The following RBFOX2 variants were observed in gnomAD, a reference collection of about 807,000 sequenced individuals.
RBFOX2 encodes the protein RNA binding protein fox-1 homolog 2.
In RBFOX2, 10 loss-of-function variants were observed where a neutral mutation model predicts 49.1. The observed-to-expected ratio is 0.20, with a 90% confidence interval of 0.13 to 0.35. RBFOX2 has a LOEUF of 0.35. RBFOX2 is among the 10% of genes least tolerant of loss of function. The pLI is 1.00. For synonymous variants in RBFOX2, 183 were observed against 187.4 expected (o/e 0.98, Z 0.19); for missense variants, 323 against 486.9 (o/e 0.66, Z 3.17).
chr22:35,801,447 ACTCTCTCT>A (rs533761207), intron 2 of RBFOX2, among the ~76,000 whole-genome samples: 1 of 117,800 alleles, frequency 8.5e-6, no homozygotes, highest in African/African-American at 4.3e-5. Flanking sequence ...ACACACACAC[ACTCTCTCT>A]CTCTCTCTCT....
intron 1 of RBFOX2, among the ~76,000 whole-genome samples, chr22:35,896,674 C>A (rs770126325): frequency 1.3e-5 from 2 of 152,168 alleles, no homozygotes; most frequent in Admixed American, 1.3e-4. Flanking sequence ...CGCAGACGAA[C>A]GTTTTCTCTC....
rs545759148 is a variant in RBFOX2 at position 35,988,228 on chromosome 22, C to T, written c.186+40012G>A. Among the ~76,000 whole-genome samples, 6 of 152,256 alleles carry T rather than the reference C, an allele frequency of 3.9e-5. 1 individual carries two copies. The South Asian group carries it at 1.2e-3, about 32-fold the overall frequency. The stretch of plus-strand genomic sequence containing the variant: ...ACCCTGCAAATCTAGGATCTATATT[C>T]CATACAGATAAGGTTCTTTCAGTTC... On this transcript the variant is annotated intron_variant, in intron 1 of 13. Transcript: ENST00000438146.
intron 2 of RBFOX2, among the ~76,000 whole-genome samples, chr22:35,803,292 G>C (rs985442997): frequency 6.6e-6 from 1 of 152,082 alleles, no homozygotes; most frequent in Non-Finnish European, 1.5e-5. Flanking sequence ...AAGTGACCCA[G>C]ATTCAAGAAA....
intron 10 of RBFOX2, 90 bp downstream of exon 12, chr22:35,746,383 G>A: frequency 8.4e-7 from 1 of 1,191,990 alleles, no homozygotes; most frequent in Non-Finnish European, 1.2e-6. Context: ...AAGAGCTGCT[G>A]TGGAAATGGT....
exon 12 of RBFOX2, chr22:35,744,158 C>A (rs751057219): frequency 1.3e-6 from 2 of 1,570,424 alleles, no homozygotes; most frequent in East Asian, 2.3e-5. Context: ...AATAGCCAGG[C>A]CTCATGAACT....
intron 1 of RBFOX2, among the ~76,000 whole-genome samples, chr22:35,915,646 C>T (rs2050328073): frequency 6.6e-6 from 1 of 152,138 alleles, no homozygotes; most frequent in African/African-American, 2.4e-5. Context: ...GGATGAAGAG[C>T]TACAGTTAAA....
At chr22:35,826,500 C>T (rs1334680347) in intron 1 of RBFOX2, among the ~76,000 whole-genome samples, 1 of 151,970 alleles carries the variant, frequency 6.6e-6, no homozygotes, top group Admixed American at 6.6e-5. Flanking sequence ...ACAGTCACAT[C>T]AATACAAATA....
intron 1 of RBFOX2, among the ~76,000 whole-genome samples, chr22:35,926,986 T>C (rs1413346429): frequency 6.6e-6 from 1 of 152,240 alleles, no homozygotes; most frequent in African/African-American, 2.4e-5. Context: ...AAGACTTTAA[T>C]CCTTTCAAAC....
chr22:35,772,715 T>C (rs1398582279), intron 4 of RBFOX2, among the ~76,000 whole-genome samples: 2 of 152,188 alleles, frequency 1.3e-5, no homozygotes, highest in Non-Finnish European at 2.9e-5. Flanking sequence ...ATTAGGTGTA[T>C]GGTTGTAGTT....
exon 1 of RBFOX2, among the ~76,000 whole-genome samples, chr22:36,028,619 CCCCG>C (rs963342718): frequency 1.3e-5 from 2 of 149,292 alleles, no homozygotes; most frequent in Non-Finnish European, 1.5e-5. Context: ...ACCGCTTGCT[CCCCG>C]CCCGCCCGCC....
At chr22:35,997,208 T>C (rs1423824151) in intron 1 of RBFOX2, 4 of 152,230 alleles carry the variant, frequency 2.6e-5, no homozygotes, top group Non-Finnish European at 5.9e-5. Flanking sequence ...GATCAACACA[T>C]ATTCCTCAGT....
intron 1 of RBFOX2, among the ~76,000 whole-genome samples, chr22:35,909,642 C>T (rs760306374): frequency 2.6e-5 from 4 of 152,180 alleles, no homozygotes; most frequent in Non-Finnish European, 4.4e-5. Flanking sequence ...ATAAGGGTAA[C>T]ATGTGAGTCC....
chr22:35,957,578 C>A (rs2055717083), intron 1 of RBFOX2, among the ~76,000 whole-genome samples: 1 of 152,204 alleles, frequency 6.6e-6, no homozygotes, highest in Admixed American at 6.5e-5. Context: ...TCAAGCACAT[C>A]CTCCTACTCA....
At chr22:35,931,336 G>A (rs1169683875) in intron 1 of RBFOX2, among the ~76,000 whole-genome samples, 8 of 148,060 alleles carry the variant, frequency 5.4e-5, no homozygotes, top group Non-Finnish European at 1.2e-4. Flanking sequence ...AAAAAAAAGA[G>A]GATCAGAAAG....
intron 2 of RBFOX2, among the ~76,000 whole-genome samples, chr22:35,803,631 T>G (rs969624571): frequency 2.6e-5 from 4 of 152,108 alleles, no homozygotes; most frequent in Non-Finnish European, 5.9e-5. Flanking sequence ...GAGCTGTGAT[T>G]ACACCTCTGC....
At chr22:35,865,156 T>C (rs1185790535) in intron 1 of RBFOX2, among the ~76,000 whole-genome samples, 3 of 152,148 alleles carry the variant, frequency 2.0e-5, no homozygotes, top group Non-Finnish European at 4.4e-5. Context: ...GATGGATGGA[T>C]GTATATCTCG....
At chr22:35,897,684 T>C (rs2149421723) in intron 1 of RBFOX2, 13 of 1,202,684 alleles carry the variant, frequency 1.1e-5, no homozygotes, top group Non-Finnish European at 1.5e-5. Context: ...CTACGACGTA[T>C]ACTGGTTGTT....
At chr22:35,809,805 G>T in exon 2 of RBFOX2, 1 of 1,613,854 alleles carries the variant, frequency 6.2e-7, no homozygotes, top group Non-Finnish European at 8.5e-7. Flanking sequence ...TTGTGTGCTG[G>T]GTGAGTTGCT....
intron 1 of RBFOX2, among the ~76,000 whole-genome samples, chr22:35,985,798 T>C (rs1050977151): frequency 6.6e-6 from 1 of 151,904 alleles, no homozygotes; most frequent in East Asian, 1.9e-4. Context: ...AGTGTTCCAA[T>C]CAGATCACAG....
Sources: gnomAD v4.1 joint callset for allele counts (sites outside exome capture counted in the v4.1 genomes callset) on GRCh38, gnomAD v4.1.1 for gene constraint, MANE v1.5 for transcripts, NCBI Gene and HGNC (gene_info 2026-07-23, HGNC 2026-07-21) for gene names.